The following NOS1AP variants were observed in gnomAD, a reference collection of about 807,000 sequenced individuals.
The protein encoded by NOS1AP is carboxyl-terminal PDZ ligand of neuronal nitric oxide synthase protein.
In NOS1AP, 21 loss-of-function variants were observed where a neutral mutation model predicts 56.2. The ratio of observed to expected loss-of-function variants is 0.37; its 90% confidence interval spans 0.26 to 0.54. The LOEUF (loss-of-function observed/expected upper bound fraction) is 0.54. Among genes scored for constraint, NOS1AP ranks in the 20% least tolerant of loss-of-function variants. NOS1AP has a pLI of 0.84. For synonymous variants in NOS1AP, 270 were observed against 274.6 expected, an observed-to-expected ratio of 0.98 and a Z score of 0.17; for missense variants, 522 against 657.8, an observed-to-expected ratio of 0.79 and a Z score of 2.26.
In NOS1AP at chr1:162,216,071, C is replaced by T. The variant is rs147836804; in HGVS notation, c.177+61595C>T. 2.4e-3 allele frequency among the ~76,000 whole-genome samples: 371 copies of T among 151,896 alleles called. 2 individuals carry two copies. The highest frequency in any genetic ancestry group is 2.0e-3 in the Non-Finnish European group (137 of 68,026). The stretch of plus-strand genomic sequence containing the variant: ...TCATTTGCACTTTTATTTCCTGCTC[C>T]AACTGCAAGCTGCTTCCTTGCCCTC... On this transcript the variant is annotated intron_variant, in intron 2 of 9. Coordinates refer to ENST00000361897, the MANE Select transcript of NOS1AP (RefSeq NM_014697.3).
chr1:162,365,238 T>A (rs1019600691), intron 8 of NOS1AP, 166 bp from the exon 9 acceptor site: 6 of 1,476,396 alleles, frequency 4.1e-6, no homozygotes, highest in South Asian at 1.4e-5. Context: ...TGGCTCCTCC[T>A]CTGGAATGAT....
intron 2 of NOS1AP, among the ~76,000 whole-genome samples, chr1:162,155,906 C>A (rs1454735225): frequency 7.2e-5 from 11 of 152,164 alleles, no homozygotes; most frequent in African/African-American, 2.7e-4. Flanking sequence ...AATAATTGTT[C>A]TGTAGAATAA....
At chr1:162,193,850 A>G (rs866903354) in intron 2 of NOS1AP, among the ~76,000 whole-genome samples, 41 of 151,882 alleles carry the variant, frequency 2.7e-4, no homozygotes, top group African/African-American at 9.9e-4. Flanking sequence ...TCTCTTTTCC[A>G]TCTCTAGATG....
intron 2 of NOS1AP, among the ~76,000 whole-genome samples, chr1:162,256,857 G>A (rs1654045508): frequency 6.6e-6 from 1 of 152,154 alleles, no homozygotes; most frequent in Admixed American, 6.5e-5. Context: ...AGATCCCAGA[G>A]TTGCTTGTGA....
intron 1 of NOS1AP, among the ~76,000 whole-genome samples, chr1:162,148,705 A>G (rs1365871827): frequency 6.6e-6 from 1 of 152,190 alleles, no homozygotes; most frequent in Admixed American, 6.5e-5. Context: ...GTTCTTAAAG[A>G]AGGGAATAAG....
At chr1:162,320,780 G>A (rs1191530354) in intron 4 of NOS1AP, among the ~76,000 whole-genome samples, 2 of 152,240 alleles carry the variant, frequency 1.3e-5, no homozygotes, top group Admixed American at 6.5e-5. Context: ...CTTGAACCAG[G>A]GAGGTGGAGG....
At chr1:162,280,817 A>C (rs544240460) in intron 2 of NOS1AP, among the ~76,000 whole-genome samples, 2 of 152,158 alleles carry the variant, frequency 1.3e-5, no homozygotes, top group African/African-American at 4.8e-5. Context: ...AAATGTCTCT[A>C]CCCAGTGTTT....
chr1:162,307,784 C>T (rs1221091708), intron 4 of NOS1AP, among the ~76,000 whole-genome samples: 1 of 150,454 alleles, frequency 6.6e-6, no homozygotes, highest in Non-Finnish European at 1.5e-5. Context: ...GCACTCCTGC[C>T]TGGGTGACAG....
chr1:162,112,505 A>G (rs1253470529), intron 1 of NOS1AP, among the ~76,000 whole-genome samples: 1 of 152,226 alleles, frequency 6.6e-6, no homozygotes, highest in Non-Finnish European at 1.5e-5. Flanking sequence ...GGATTAGACC[A>G]ATGGCTCCCT....
intron 2 of NOS1AP, among the ~76,000 whole-genome samples, chr1:162,262,240 G>A (rs184167866): frequency 2.3e-3 from 353 of 152,234 alleles, no homozygotes; most frequent in African/African-American, 8.3e-3. Flanking sequence ...TTTCAGCTAT[G>A]GATAAGAGAA....
intron 2 of NOS1AP, among the ~76,000 whole-genome samples, chr1:162,285,063 TATGAAAGTGATA>T (rs1655047806): frequency 2.6e-5 from 4 of 152,176 alleles, no homozygotes; most frequent in African/African-American, 9.7e-5. Flanking sequence ...ATATGGGGCA[TATGAAAGTGATA>T]TACTGTAAGA....
chr1:162,363,991 G>A (rs970606453), intron 8 of NOS1AP: 14 of 985,292 alleles, frequency 1.4e-5, no homozygotes, highest in Admixed American at 6.1e-5. Flanking sequence ...AGGCAGCCAC[G>A]GTATCCACAA....
rs1261184608 is a variant in NOS1AP at position 162,300,633 on chromosome 1, C to T, written c.271C>T (p.Leu91Phe). Residue 91 changes from leucine (L) to phenylalanine (F), a missense_variant and splice_region_variant, in exon 4 of 10, where the codon CTT becomes TTT. Physicochemically the swap from Leu to Phe is conservative, Grantham distance 22. Around this residue, in one of 4 missense-constraint regions of NOS1AP, gnomAD observed 132 missense variants for 218.1 expected, o/e 0.61. Coordinates refer to ENST00000361897, the MANE Select transcript of NOS1AP (RefSeq NM_014697.3). The stretch of plus-strand genomic sequence containing the variant: ...ACAAGCCTAACTTATTCATTTACAG[C>T]TTCTTTTATTGCAGAAAAAGGAATG... Reference protein sequence around the residue: ...VKVILKKKKKLLLLQKKEWTW... With the variant: ...VKVILKKKKKFLLLQKKEWTW... 1.2e-6 allele frequency: 2 copies of T among 1,613,534 alleles called. No homozygotes were observed. Among genetic ancestry groups the T allele is most frequent in the Non-Finnish European group, 1.7e-6 (2 of 1,179,586 alleles).
At chr1:162,110,470 C>T (rs188053125) in intron 1 of NOS1AP, among the ~76,000 whole-genome samples, 3 of 152,200 alleles carry the variant, frequency 2.0e-5, no homozygotes, top group African/African-American at 4.8e-5. Context: ...CTTACCTTAC[C>T]GGCTGTTATC....
chr1:162,369,277 T>C lies in NOS1AP; in HGVS notation c.*1810T>C, dbSNP rs760436866. 5.9e-5 allele frequency: 9 copies of C among 152,196 alleles called. No individual in the cohort carries two copies. The highest frequency in any genetic ancestry group is 1.2e-4 in the Non-Finnish European group (8 of 68,028). The allele number at this position is 152,196 out of a possible 1,614,324, so 9.4% of individuals were successfully genotyped here. A position where few individuals can be genotyped will look rare whatever the true frequency, so the allele number is the denominator to read the frequency against. ...TGTTTTGTTTTGATCTAATTTGCCA[T>C]TGGAAATAGGTACAGTTACACAGAG... On this transcript the variant is annotated 3_prime_UTR_variant, in exon 10 of 10. Transcript: ENST00000361897.
chr1:162,311,594 A>AAT, intron 4 of NOS1AP, among the ~76,000 whole-genome samples: 1 of 147,580 alleles, frequency 6.8e-6, no homozygotes, highest in South Asian at 2.1e-4. Flanking sequence ...TTTTTTTTTT[A>AAT]ATTATACTTT....
At chr1:162,228,094 A>G (rs886618341) in intron 2 of NOS1AP, among the ~76,000 whole-genome samples, 4 of 152,346 alleles carry the variant, frequency 2.6e-5, no homozygotes, top group Admixed American at 6.5e-5. Context: ...GAAGAGATCA[A>G]CATAGCTGAA....
At chr1:162,116,646 A>G (rs1358005242) in intron 1 of NOS1AP, among the ~76,000 whole-genome samples, 2 of 152,222 alleles carry the variant, frequency 1.3e-5, no homozygotes, top group Admixed American at 1.3e-4. Flanking sequence ...TCTTTCAAAA[A>G]TATCTTGGTG....
At position 162,069,726 on chromosome 1, in the gene NOS1AP, T is replaced by C. The variant is rs910702807; in HGVS notation, c.-452T>C. 6.5e-6 allele frequency: 1 copy of C among 153,156 alleles called. No homozygotes were observed. The allele number at this position is 153,156 out of a possible 1,614,324, so 9.5% of individuals were successfully genotyped here. On this transcript the variant is annotated 5_prime_UTR_variant, in exon 1 of 10. Coordinates refer to ENST00000361897, the MANE Select transcript of NOS1AP (RefSeq NM_014697.3). ...CCGCTCGCTGGCGGCTGATCCAGCGTCTCCGTGACAGGCACCCTGCTCCGC... is the reference window on the plus strand; with the variant it reads ...CCGCTCGCTGGCGGCTGATCCAGCGCCTCCGTGACAGGCACCCTGCTCCGC...
Sources: gnomAD v4.1 joint callset for allele counts (sites outside exome capture counted in the v4.1 genomes callset) on GRCh38, gnomAD v4.1.1 for gene constraint, gnomAD v4.1.1 regional missense constraint, MANE v1.5 for transcripts, NCBI Gene and HGNC (gene_info 2026-07-23, HGNC 2026-07-21) for gene names.